Variants in OGFR observed in about 807,000 individuals in gnomAD.
OGFR encodes protein 7-60.
In OGFR, 18 loss-of-function variants were observed where a neutral mutation model predicts 33.6. The observed-to-expected ratio is 0.54, with a 90% confidence interval of 0.37 to 0.80. The LOEUF (loss-of-function observed/expected upper bound fraction) is 0.80, where lower values mean the gene tolerates loss of function less well. Ranked by LOEUF, OGFR falls within the 30% of genes least tolerant of loss-of-function variation. The pLI is 0.00. For missense variants in OGFR, 877 were observed against 955.8 expected, an observed-to-expected ratio of 0.92 and a Z score of 1.09; for synonymous variants, 370 against 400.7, an observed-to-expected ratio of 0.92 and a Z score of 0.91.
chr20:62,813,633 A>T lies in OGFR; in HGVS notation c.2018A>T (p.Lys673Met), dbSNP rs767989521. 2 of 1,612,582 alleles carry T rather than the reference A, an allele frequency of 1.2e-6. No individual in the cohort carries two copies. Among genetic ancestry groups the T allele is most frequent in the Non-Finnish European group, 1.7e-6 (2 of 1,179,764 alleles). ...GACGCAGAGGTGGAGTCTTCTGCCA[A>T]GTCTGGGAAGCCTTAAGGAAAGGAG... ...LQDAEVESSA[K>M]SGKP Residue 673 changes from lysine (K) to methionine (M), a missense_variant, in exon 7 of 7, where the codon AAG becomes ATG. Physicochemically the swap from Lys to Met is moderately conservative, Grantham distance 95 (BLOSUM62 -1). Transcript: ENST00000290291.
At chr20:62,809,095 G>T (rs896977472) in intron 3 of OGFR, among the ~76,000 whole-genome samples, 1 of 151,824 alleles carries the variant, frequency 6.6e-6, no homozygotes, top group East Asian at 1.9e-4. Context: ...GTTTATGCAC[G>T]TGCCGGGCTG....
intron 3 of OGFR, 130 bp from the exon 4 acceptor site, chr20:62,809,455 G>T: frequency 1.4e-6 from 1 of 703,994 alleles, no homozygotes; most frequent in South Asian, 1.6e-5. Context: ...AGCCTCAGGA[G>T]ATGAGGGCGA....
In OGFR at chr20:62,805,028, C is replaced by T. The variant is rs966902973; in HGVS notation, c.169C>T (p.Gln57Ter). The T allele has an allele frequency of 7.2e-7, 1 of 1,386,398 alleles. No homozygotes were observed. Among genetic ancestry groups the T allele is most frequent in the African/African-American group, 1.5e-5 (1 of 65,578 alleles). The allele number at this position is 1,386,398 out of a possible 1,614,324, so 85.9% of individuals were successfully genotyped here. ...GCGGGCGGCGCGGCCCAGCTCGTTC[C>T]AGGTGCGGCCCCGCGGCGCGGAAGA... ...EPRAARPSSF[Q>*]SRMTGSRNWR... Residue 57 changes from glutamine (Q) to a stop codon, truncating the protein, a stop_gained and splice_region_variant, in exon 1 of 7, where the codon CAG (glutamine) becomes TAG (stop). Transcript: ENST00000290291. LOFTEE classifies it high-confidence loss of function.
At position 62,812,355 on chromosome 20, in the gene OGFR, C is replaced by G. The variant is rs1237402051; in HGVS notation, c.740C>G (p.Pro247Arg). 8.3e-6 allele frequency: 13 copies of G among 1,560,370 alleles called. No individual in the cohort carries two copies. The highest frequency in any genetic ancestry group is 1.0e-5 in the Non-Finnish European group (12 of 1,153,072). The stretch of plus-strand genomic sequence containing the variant: ...GAGACGCTGGTGCGGCGGGAGCTGC[C>G]GGGGGTGCGGCAGAGTGCCCTGGAC... ...LEETLVRREL[P>R]GVRQSALDYF... The change falls in exon 7 of 7, where the codon CCG becomes CGG. Residue 247 changes from proline (P) to arginine (R), a missense_variant. Transcript: ENST00000290291.
Position 62,813,440 on chromosome 20 carries a change from C to T in OGFR, c.1825C>T (p.Pro609Ser), listed in dbSNP as rs1225477474. The T allele has an allele frequency of 4.0e-6, 6 of 1,499,948 alleles. No individual in the cohort carries two copies. Among genetic ancestry groups the T allele is most frequent in the Non-Finnish European group, 5.3e-6 (6 of 1,140,546 alleles). 92.9% of individuals were successfully genotyped at this position (1,499,948 alleles called of 1,614,324 possible). ...GACCCCAGGCCCCCGCCCGGCAGGA[C>T]CTGCAGGGGACGAGCCAGCCGAGAG... Reference protein sequence around the residue: ...SETPGPRPAGPAGDEPAESPS... With the variant: ...SETPGPRPAGSAGDEPAESPS... The change falls in exon 7 of 7, where the codon CCT becomes TCT. Residue 609 changes from proline to serine, a missense_variant. Physicochemically the swap from Pro to Ser is moderately conservative, Grantham distance 74 (BLOSUM62 -1). Transcript: ENST00000290291.
chr20:62,813,481 A>G lies in OGFR; in HGVS notation c.1866A>G (p.Pro622=), dbSNP rs1399763951. ...CAGCCGAGAGCCCATCGGAGACCCC[A>G]GGCCCCCGCCCGGCAGGACCTGCAG... The part of the protein sequence containing the change: ...DEPAESPSET[P]GPRPAGPAGD... Residue 622 remains proline (P), a synonymous_variant, in exon 7 of 7, where the codon CCA becomes CCG. Coordinates refer to ENST00000290291, the MANE Select transcript of OGFR (RefSeq NM_007346.4). 6.9e-7 allele frequency: 1 copy of G among 1,450,352 alleles called. No homozygotes were observed. The highest frequency in any genetic ancestry group is 9.1e-7 in the Non-Finnish European group (1 of 1,093,240). The allele number at this position is 1,450,352 out of a possible 1,614,324, so 89.8% of individuals were successfully genotyped here. A position where few individuals can be genotyped will look rare whatever the true frequency, so the allele number is the denominator to read the frequency against.
intron 6 of OGFR, 98 bp downstream of exon 6, chr20:62,811,708 TC>T: frequency 7.5e-7 from 1 of 1,340,604 alleles, no homozygotes; most frequent in Non-Finnish European, 9.9e-7. Context: ...GACGGAGAAC[TC>T]CAGGGCTGTT....
chr20:62,812,704 G>T lies in OGFR; in HGVS notation c.1089G>T (p.Gly363=). ...CGGGACCCCTGGAGAGGAGCCAGGG[G>T]GATGAGGCAGGGGGCCACGGGGAAG... ...QDAGPLERSQ[G]DEAGGHGEDR... Residue 363 remains glycine (G), a synonymous_variant, in exon 7 of 7, where the codon GGG becomes GGT. Transcript: ENST00000290291. 6.3e-7 allele frequency: 1 copy of T among 1,582,564 alleles called. No individual in the cohort carries two copies.
intron 5 of OGFR, 115 bp from the exon 6 acceptor site, chr20:62,811,347 C>T: frequency 8.9e-7 from 1 of 1,119,398 alleles, no homozygotes; most frequent in South Asian, 1.4e-5. Context: ...AAATGTCTGT[C>T]TGTCTGTCTG....
Position 62,812,821 on chromosome 20 carries a change from G to A in OGFR, c.1206G>A (p.Gln402=), listed in dbSNP as rs775522233. 1.4e-5 allele frequency: 22 copies of A among 1,612,734 alleles called. No homozygotes were observed. In the South Asian group the frequency reaches 2.3e-4, roughly 17 times the overall value. The change falls in exon 7 of 7, where the codon CAG becomes CAA. Residue 402 remains glutamine, a synonymous_variant. Transcript: ENST00000290291. The stretch of plus-strand genomic sequence containing the variant: ...AGCCGCCCACAGAGCCAGGCCCTCA[G>A]AGTGCCTCAGAGGTGGAGAAGATCG... ...REQPPTEPGP[Q]SASEVEKIAL...
chr20:62,812,157 C>A, intron 6 of OGFR, 73 bp from the exon 7 acceptor site: 1 of 1,336,496 alleles, frequency 7.5e-7, no homozygotes, highest in Non-Finnish European at 1.0e-6. Context: ...GGTGGGAGGG[C>A]AGGCCAGGGC....
rs5842400 is a variant in OGFR at position 62,808,974 on chromosome 20, C to CAAA, written c.320-584_320-582dup. ...TGGGCAACAGAATGAGACTCTGTCT[C>CAAA]AAAAAAAAAAAAAAAAAAAAAAAAA... On this transcript the variant is annotated intron_variant, in intron 3 of 6. Coordinates refer to ENST00000290291, the MANE Select transcript of OGFR (RefSeq NM_007346.4). Among the ~76,000 whole-genome samples the CAAA allele has an allele frequency of 5.8e-4, 40 of 68,410 alleles. 4 individuals carry two copies. The highest frequency in any genetic ancestry group is 1.2e-3 in the South Asian group (2 of 1,640). 44.9% of individuals were successfully genotyped at this position (68,410 alleles called of 152,430 possible). A position where few individuals can be genotyped will look rare whatever the true frequency, so the allele number is the denominator to read the frequency against.
At chr20:62,807,983 A>G in intron 2 of OGFR, 2 of 600,210 alleles carry the variant, frequency 3.3e-6, no homozygotes, top group Non-Finnish European at 3.0e-6. Context: ...AATCACGGAA[A>G]CCCCTGTGCT....
chr20:62,811,569 C>T lies in OGFR; in HGVS notation c.573C>T (p.Gly191=), dbSNP rs745368037. The T allele has an allele frequency of 6.2e-7, 1 of 1,602,574 alleles. No homozygotes were observed. Among genetic ancestry groups the T allele is most frequent in the Non-Finnish European group, 8.5e-7 (1 of 1,175,420 alleles). The stretch of plus-strand genomic sequence containing the variant: ...AGGACCGAGGCACGGGCACGGTGGG[C>T]CGAGCACAGAACTACCAGAAGCGCT... ...RLEDRGTGTV[G]RAQNYQKRFQ... Residue 191 remains glycine (G), a synonymous_variant, in exon 6 of 7, where the codon GGC becomes GGT. Transcript: ENST00000290291.
intron 2 of OGFR, 99 bp downstream of exon 2, chr20:62,807,704 C>T: frequency 1.6e-6 from 2 of 1,271,780 alleles, no homozygotes; most frequent in Non-Finnish European, 1.1e-6. Context: ...GCCTGGCTTG[C>T]TGTGCCAGGG....
At chr20:62,811,339 ATGTCTGTC>A (rs962647306) in intron 5 of OGFR, 115 bp from the exon 6 acceptor site, 47 of 1,075,124 alleles carry the variant, frequency 4.4e-5, no homozygotes, top group Admixed American at 1.2e-4. Context: ...CTCTAAATAA[ATGTCTGTC>A]TGTCTGTCTG....
chr20:62,810,360 C>A, intron 4 of OGFR, 139 bp from the exon 5 acceptor site: 1 of 749,420 alleles, frequency 1.3e-6, no homozygotes, highest in African/African-American at 1.7e-5. Flanking sequence ...CCTCGCTCCT[C>A]CACCTAGCCA....
chr20:62,807,499 T>C (rs754983022), intron 1 of OGFR, 38 bp from the exon 2 acceptor site: 1 of 1,597,372 alleles, frequency 6.3e-7, no homozygotes, highest in South Asian at 1.1e-5. Flanking sequence ...CTTGGGGGTC[T>C]CCCATGGGGG....
At chr20:62,809,520 AC>A (rs1032800332) in intron 3 of OGFR, 64 bp from the exon 4 acceptor site, 57 of 1,239,956 alleles carry the variant, frequency 4.6e-5, no homozygotes, top group Non-Finnish European at 6.2e-5. Flanking sequence ...CCCCACCCAC[AC>A]CCCGTCCTCC....
Sources: gnomAD v4.1 joint callset for allele counts (sites outside exome capture counted in the v4.1 genomes callset) on GRCh38, gnomAD v4.1.1 for gene constraint, MANE v1.5 for transcripts, NCBI Gene and HGNC (gene_info 2026-07-23, HGNC 2026-07-21) for gene names.